PDE4D: variants seen among roughly 807,000 people sequenced by gnomAD.
The protein encoded by PDE4D is phosphodiesterase 4D, also known as 3',5'-cyclic-AMP phosphodiesterase 4D.
A neutral mutation model predicts 87.4 loss-of-function variants in PDE4D; 24 were observed. The ratio of observed to expected loss-of-function variants is 0.27; its 90% CI spans 0.20 to 0.39. The LOEUF (loss-of-function observed/expected upper bound fraction) is 0.39, where lower values mean the gene tolerates loss of function less well. Ranked by LOEUF, PDE4D falls within the 10% of genes least tolerant of loss-of-function variation. The pLI is 1.00. For synonymous variants in PDE4D, 384 were observed against 383.2 expected (o/e 1.00, Z -0.02); for missense variants, 714 against 1,041.0 (o/e 0.69, Z 4.32).
At chr5:59,567,777 T>C (rs1821188249) in intron 1 of PDE4D, among the ~76,000 whole-genome samples, 1 of 152,096 alleles carries the variant, frequency 6.6e-6, no homozygotes, top group Non-Finnish European at 1.5e-5. Context: ...ACTGTTGGAG[T>C]GGAAGATTAT....
At chr5:60,238,611 G>A (rs1183213760) in intron 1 of PDE4D, among the ~76,000 whole-genome samples, 1 of 151,772 alleles carries the variant, frequency 6.6e-6, no homozygotes, top group Non-Finnish European at 1.5e-5. Flanking sequence ...GATTACTAGT[G>A]AGCTAAAGCA....
rs114635245 is a variant in PDE4D at position 60,050,798 on chromosome 5, G to A, written c.43-62081C>T. On this transcript the variant is annotated intron_variant, in intron 2 of 16. Coordinates refer to the PDE4D transcript ENST00000502484. ...GCTGTATTCAGGAGACCAATCTCAC[G>A]TGCAACAACACACATAGGCTCAAAA... 3.9e-3 allele frequency among the ~76,000 whole-genome samples: 591 copies of A among 152,208 alleles called. 5 individuals carry two copies. The highest frequency in any genetic ancestry group is 0.013 in the African/African-American group (547 of 41,530).
At position 60,022,944 on chromosome 5, in the gene PDE4D, G is replaced by A. The variant is rs141313722; in HGVS notation, c.43-34227C>T. On this transcript the variant is annotated intron_variant, in intron 2 of 16. Transcript: ENST00000502484. ...CGCATCTCTTTCCTCCTCCACTGAT[G>A]CTGACTCCTCAACACATCTATAGCC... 2.9e-4 allele frequency among the ~76,000 whole-genome samples: 44 copies of A among 152,160 alleles called. 1 individual carries two copies. The East Asian group carries it at 8.5e-3, about 30-fold the overall frequency.
intron 1 of PDE4D, among the ~76,000 whole-genome samples, chr5:60,224,961 C>T (rs564458294): frequency 3.0e-4 from 45 of 152,026 alleles, no homozygotes; most frequent in Non-Finnish European, 4.9e-4. Context: ...TGTATTATAG[C>T]ATCACCCCTA....
intron 1 of PDE4D, among the ~76,000 whole-genome samples, chr5:60,425,622 G>A (rs1300375890): frequency 6.6e-6 from 1 of 152,128 alleles, no homozygotes; most frequent in Non-Finnish European, 1.5e-5. Flanking sequence ...ACAGGCATGG[G>A]CAAGGACTTC....
At chr5:59,696,276 A>T (rs1218528081) in intron 1 of PDE4D, among the ~76,000 whole-genome samples, 1 of 152,188 alleles carries the variant, frequency 6.6e-6, no homozygotes, top group Non-Finnish European at 1.5e-5. Flanking sequence ...CCAGAGTCTT[A>T]GTGTATAACT....
chr5:59,509,710 G>T lies in PDE4D; in HGVS notation c.456-293742C>A, dbSNP rs187741734. Among the ~76,000 whole-genome samples, 31 of 150,496 alleles carry T rather than the reference G, an allele frequency of 2.1e-4. No individual in the cohort carries two copies. In the East Asian group the frequency reaches 6.0e-3, roughly 29 times the overall value. On this transcript the variant is annotated intron_variant, in intron 1 of 14. Coordinates refer to ENST00000340635, the MANE Select transcript of PDE4D (RefSeq NM_001104631.2). ...CAAACTAGAAGGAAAAATACAATGA[G>T]AAAAGGGAGGAAATCACTTTGATCT...
chr5:59,549,193 G>A (rs887591520), intron 1 of PDE4D, among the ~76,000 whole-genome samples: 1 of 152,114 alleles, frequency 6.6e-6, no homozygotes, highest in African/African-American at 2.4e-5. Context: ...GCAAGAATGA[G>A]GCAAAGCACT....
At chr5:60,054,930 G>C (rs1238739846) in intron 2 of PDE4D, among the ~76,000 whole-genome samples, 1 of 151,980 alleles carries the variant, frequency 6.6e-6, no homozygotes, top group African/African-American at 2.4e-5. Flanking sequence ...AAAATGTCTA[G>C]AATACTGCAG....
At chr5:59,565,001 A>G (rs1287821089) in intron 1 of PDE4D, among the ~76,000 whole-genome samples, 1 of 152,186 alleles carries the variant, frequency 6.6e-6, no homozygotes, top group Non-Finnish European at 1.5e-5. Flanking sequence ...ACCATGGACA[A>G]AGGTTGATGA....
intron 1 of PDE4D, among the ~76,000 whole-genome samples, chr5:59,776,908 T>C (rs906828954): frequency 6.6e-6 from 1 of 151,764 alleles, no homozygotes; most frequent in African/African-American, 2.4e-5. Flanking sequence ...TGGAGCTGGG[T>C]TGAATACAAC....
At chr5:59,113,298 T>G (rs1367179466) in intron 5 of PDE4D, among the ~76,000 whole-genome samples, 3 of 152,248 alleles carry the variant, frequency 2.0e-5, no homozygotes, top group Non-Finnish European at 4.4e-5. Context: ...AAATTTAGAT[T>G]CTGATATGAG....
intron 1 of PDE4D, among the ~76,000 whole-genome samples, chr5:59,397,869 A>G (rs1247993695): frequency 3.2e-5 from 4 of 123,880 alleles, no homozygotes; most frequent in African/African-American, 1.3e-4. Flanking sequence ...GAAGAATCAA[A>G]TAGATGCAAT....
intron 1 of PDE4D, among the ~76,000 whole-genome samples, chr5:59,318,974 T>A (rs966700536): frequency 3.9e-5 from 6 of 152,072 alleles, no homozygotes; most frequent in Non-Finnish European, 7.4e-5. Flanking sequence ...CAGGCAGTCT[T>A]TAGTTAAGAC....
chr5:59,333,036 G>T (rs1331662820), intron 1 of PDE4D, among the ~76,000 whole-genome samples: 4 of 152,124 alleles, frequency 2.6e-5, no homozygotes, highest in Non-Finnish European at 5.9e-5. Flanking sequence ...GTGAGTCCAG[G>T]TTTCTGTTAT....
At chr5:58,999,356 C>T in intron 6 of PDE4D, 5 of 361,016 alleles carry the variant, frequency 1.4e-5, no homozygotes, top group Non-Finnish European at 2.5e-5. Context: ...ACTATTAACA[C>T]GTATTTCTTC....
At chr5:59,542,952 T>A (rs992945341) in intron 1 of PDE4D, among the ~76,000 whole-genome samples, 1 of 152,178 alleles carries the variant, frequency 6.6e-6, no homozygotes, top group African/African-American at 2.4e-5. Flanking sequence ...TCAGTCTGCA[T>A]GCTGCCAGGT....
intron 2 of PDE4D, among the ~76,000 whole-genome samples, chr5:60,017,040 G>A (rs574254106): frequency 6.6e-6 from 1 of 152,286 alleles, no homozygotes; most frequent in African/African-American, 2.4e-5. Flanking sequence ...TCCATTGATT[G>A]CAGAATGAAT....
chr5:59,233,509 A>G (rs27957), intron 1 of PDE4D, among the ~76,000 whole-genome samples: 35,856 of 152,048 alleles, frequency 0.24, 4,397 homozygotes, highest in Non-Finnish European at 0.26. Flanking sequence ...CAGTGGGATC[A>G]GGATGAGTTG....
Sources: allele counts gnomAD v4.1 joint callset (sites outside exome capture counted in the v4.1 genomes callset), GRCh38; gene constraint gnomAD v4.1.1; transcripts MANE v1.5; gene names NCBI Gene and HGNC (gene_info 2026-07-23, HGNC 2026-07-21).